Variants in TYW1 observed in about 807,000 individuals in gnomAD.
TYW1 encodes S-adenosyl-L-methionine-dependent tRNA 4-demethylwyosine synthase TYW1.
In TYW1, 46 loss-of-function variants were observed where a neutral mutation model predicts 96.2. That is an observed-to-expected ratio of 0.48 (90% CI 0.38 to 0.61). The LOEUF (loss-of-function observed/expected upper bound fraction) is 0.61, where lower values mean the gene tolerates loss of function less well. Ranked by LOEUF, TYW1 falls within the 20% of genes least tolerant of loss-of-function variation. The pLI, the probability that TYW1 is intolerant of heterozygous loss-of-function variation, is 0.00. For missense variants in TYW1, 684 were observed against 909.6 expected (o/e 0.75, Z 3.19); for synonymous variants, 274 against 323.0 (o/e 0.85, Z 1.63).
intron 13 of TYW1, among the ~76,000 whole-genome samples, chr7:67,136,494 G>GAGA (rs138100110): frequency 0.038 from 5,843 of 152,036 alleles, 305 homozygotes; most frequent in East Asian, 0.16. Context: ...TTTTTCACAT[G>GAGA]AGAAGAAAAT....
At chr7:67,153,925 C>CTTTTTTTTTTTTTTTTT (rs34003922) in intron 13 of TYW1, among the ~76,000 whole-genome samples, 1 of 130,314 alleles carries the variant, frequency 7.7e-6, no homozygotes. Context: ...TAACGACTTT[C>CTTTTTTTTTTTTTTTTT]TTTTTTTTTT....
rs184877018 is a variant in TYW1, at chr7:67,210,073, T to A, written c.1977+14736T>A. ...AAGTCCACAGTTTATTTAGATTTCC[T>A]TAGGTTTTACCTAATGTCCTTTTTC... On this transcript the variant is annotated intron_variant, in intron 15 of 15. Coordinates refer to ENST00000359626, the MANE Select transcript of TYW1 (RefSeq NM_018264.4). Among the ~76,000 whole-genome samples, 397 of 152,350 alleles carry A rather than the reference T, an allele frequency of 2.6e-3. 3 individuals are homozygous for A. The highest frequency in any genetic ancestry group is 9.1e-3 in the African/African-American group (378 of 41,578).
intron 13 of TYW1, among the ~76,000 whole-genome samples, chr7:67,166,171 G>T (rs1162689587): frequency 1.3e-5 from 2 of 150,824 alleles, no homozygotes; most frequent in Non-Finnish European, 3.0e-5. Flanking sequence ...CTTTTGAGGA[G>T]CCCAGGAGTT....
chr7:67,049,424 A>G (rs2129261364), intron 7 of TYW1, among the ~76,000 whole-genome samples: 1 of 152,334 alleles, frequency 6.6e-6, no homozygotes, highest in South Asian at 2.1e-4. Context: ...TTACTTAACA[A>G]AAGAGCATCC....
intron 10 of TYW1, among the ~76,000 whole-genome samples, chr7:67,076,775 C>CTT (rs543408648): frequency 1.3e-3 from 159 of 123,592 alleles, no homozygotes; most frequent in East Asian, 5.6e-3. Flanking sequence ...TGCACTCAGC[C>CTT]TTTTTTTTTT....
chr7:67,044,835 G>A (rs923604260), intron 7 of TYW1, among the ~76,000 whole-genome samples: 2 of 151,862 alleles, frequency 1.3e-5, no homozygotes, highest in Non-Finnish European at 2.9e-5. Flanking sequence ...GGCCAGACTG[G>A]TCTCAAACTG....
At chr7:67,227,180 C>T (rs1801587337) in intron 15 of TYW1, among the ~76,000 whole-genome samples, 1 of 152,154 alleles carries the variant, frequency 6.6e-6, no homozygotes, top group Non-Finnish European at 1.5e-5. Flanking sequence ...AGGTGACCTC[C>T]AAGCCCTTGG....
At position 67,238,581 on chromosome 7, in the gene TYW1, G is replaced by A. The variant is rs562672700; in HGVS notation, c.*52G>A. 7 of 1,597,554 alleles carry A rather than the reference G, an allele frequency of 4.4e-6. No homozygotes were observed. Among genetic ancestry groups the A allele is most frequent in the Non-Finnish European group, 6.0e-6 (7 of 1,171,800 alleles). On this transcript the variant is annotated 3_prime_UTR_variant, in exon 16 of 16. Coordinates refer to ENST00000359626, the MANE Select transcript of TYW1 (RefSeq NM_018264.4). ...GACAAAAACTTGGATGGCCTCAAAA[G>A]GTTCTTGAACACCACTGTGATTCTC...
chr7:67,055,905 A>G lies in TYW1; in HGVS notation c.1155+18A>G, dbSNP rs1389035381. The stretch of plus-strand genomic sequence containing the variant: ...GGACAAAGGTATTTTTTTTGTTTTT[A>G]TTCAATATGTCTATTACATGCAACT... On this transcript the variant is annotated intron_variant, in intron 9 of 15. Coordinates refer to ENST00000359626, the MANE Select transcript of TYW1 (RefSeq NM_018264.4). The G allele has an allele frequency of 6.2e-7, 1 of 1,607,586 alleles. No individual in the cohort carries two copies. Among genetic ancestry groups the G allele is most frequent in the Non-Finnish European group, 8.5e-7 (1 of 1,175,410 alleles).
At chr7:67,225,511 G>A (rs928895110) in intron 15 of TYW1, among the ~76,000 whole-genome samples, 3 of 152,102 alleles carry the variant, frequency 2.0e-5, no homozygotes, top group African/African-American at 7.2e-5. Context: ...GAAGGGAGGG[G>A]AAGAAGAGCT....
At chr7:67,170,289 T>C (rs1319142047) in intron 13 of TYW1, among the ~76,000 whole-genome samples, 6 of 152,234 alleles carry the variant, frequency 3.9e-5, no homozygotes, top group Non-Finnish European at 8.8e-5. Flanking sequence ...CCATTGATCT[T>C]CAGTTTTATC....
chr7:67,021,308 C>T (rs1407619340), intron 6 of TYW1, among the ~76,000 whole-genome samples: 1 of 152,288 alleles, frequency 6.6e-6, no homozygotes, highest in Non-Finnish European at 1.5e-5. Flanking sequence ...TGCAGTCCGG[C>T]CCACATCTTT....
At chr7:67,149,764 ATCTATCTATCTC>A (rs1266528319) in intron 13 of TYW1, among the ~76,000 whole-genome samples, 10 of 83,330 alleles carry the variant, frequency 1.2e-4, no homozygotes, top group East Asian at 8.8e-4. Context: ...CTATCTATCT[ATCTATCTATCTC>A]TCTATGTTAA....
At position 67,148,425 on chromosome 7, in the gene TYW1, A is replaced by ATTTT. The variant is rs34723740; in HGVS notation, c.1698+30824_1698+30827dup. 1.2e-3 allele frequency among the ~76,000 whole-genome samples: 130 copies of ATTTT among 109,366 alleles called. 1 individual carries two copies. The highest frequency in any genetic ancestry group is 6.0e-3 in the Middle Eastern group (1 of 166). 71.7% of individuals were successfully genotyped at this position (109,366 alleles called of 152,430 possible). ...ACTTAACAAGGTTTACTTGAAAGTGATTTTTTTTTTTTTTTTTTTTGAGAT... is the reference window on the plus strand; with the variant it reads ...ACTTAACAAGGTTTACTTGAAAGTGATTTTTTTTTTTTTTTTTTTTTTTTGAGAT... On this transcript the variant is annotated intron_variant, in intron 13 of 15. Coordinates refer to ENST00000359626, the MANE Select transcript of TYW1 (RefSeq NM_018264.4).
intron 15 of TYW1, among the ~76,000 whole-genome samples, chr7:67,225,478 A>G (rs1801531514): frequency 1.3e-5 from 2 of 152,082 alleles, no homozygotes; most frequent in African/African-American, 4.8e-5. Context: ...TCCTTTTTGG[A>G]GATAATAAAA....
At chr7:67,032,333 A>G (rs1481515336) in intron 7 of TYW1, among the ~76,000 whole-genome samples, 2 of 152,088 alleles carry the variant, frequency 1.3e-5, no homozygotes, top group Non-Finnish European at 2.9e-5. Flanking sequence ...AAACAGAAGT[A>G]GGAGGCCTGG....
chr7:67,030,599 C>A (rs184433905), intron 7 of TYW1, among the ~76,000 whole-genome samples: 1 of 152,114 alleles, frequency 6.6e-6, no homozygotes, highest in East Asian at 1.9e-4. Context: ...ACCATTGTAC[C>A]ATGACTGGCC....
chr7:67,164,475 A>G (rs953965940), intron 13 of TYW1, among the ~76,000 whole-genome samples: 3 of 152,040 alleles, frequency 2.0e-5, no homozygotes, highest in South Asian at 2.1e-4. Flanking sequence ...GCTGGATGTG[A>G]TGGCATGTGC....
intron 11 of TYW1, among the ~76,000 whole-genome samples, chr7:67,092,944 A>G (rs1759391928): frequency 1.3e-5 from 2 of 151,948 alleles, no homozygotes; most frequent in South Asian, 2.1e-4. Flanking sequence ...CAGCCTCCCA[A>G]AGTGCTGAGA....
Sources: allele counts gnomAD v4.1 joint callset (sites outside exome capture counted in the v4.1 genomes callset), GRCh38; gene constraint gnomAD v4.1.1; transcripts MANE v1.5; gene names NCBI Gene and HGNC (gene_info 2026-07-23, HGNC 2026-07-21).